Variants in SSX2IP observed in about 807,000 individuals in gnomAD.
SSX2IP encodes the protein afadin- and alpha-actinin-binding protein.
In SSX2IP, 55 loss-of-function variants were observed where a neutral mutation model predicts 84.9. The observed-to-expected ratio is 0.65, with a 90% CI of 0.52 to 0.81. The LOEUF (loss-of-function observed/expected upper bound fraction) is 0.81. Ranked by LOEUF, SSX2IP falls within the 30% of genes least tolerant of loss-of-function variation. SSX2IP has a pLI of 0.00. For missense variants in SSX2IP, 664 were observed against 705.2 expected, an observed-to-expected ratio of 0.94 and a Z score of 0.66; for synonymous variants, 239 against 234.7, an observed-to-expected ratio of 1.02 and a Z score of -0.17.
In SSX2IP at chr1:84,665,855, C is replaced by G. The variant is rs1341466225; in HGVS notation, c.537+267G>C. On this transcript the variant is annotated intron_variant, in intron 5 of 13. Coordinates refer to ENST00000342203, the MANE Select transcript of SSX2IP (RefSeq NM_001166293.2). Reference sequence around the variant, plus strand: ...AGAAAAAGTGACAGTGAACATGAGTCCAGGAAGGGCAGTCCAGGACACTGG... The same window carrying G: ...AGAAAAAGTGACAGTGAACATGAGTGCAGGAAGGGCAGTCCAGGACACTGG... Among the ~76,000 whole-genome samples, 3 of 152,088 alleles carry G rather than the reference C, an allele frequency of 2.0e-5. No homozygotes were observed. In the South Asian group the frequency reaches 6.2e-4, roughly 31 times the overall value.
chr1:84,659,111 A>C (rs573079675), intron 8 of SSX2IP, among the ~76,000 whole-genome samples: 6 of 152,360 alleles, frequency 3.9e-5, no homozygotes, highest in Non-Finnish European at 7.3e-5. Flanking sequence ...ATAATAACCC[A>C]CATCTACATA....
chr1:84,684,854 G>T (rs1655568638), intron 1 of SSX2IP, among the ~76,000 whole-genome samples: 1 of 151,734 alleles, frequency 6.6e-6, no homozygotes, highest in African/African-American at 2.4e-5. Flanking sequence ...AGAAGATAGG[G>T]CATGTAATAT....
intron 1 of SSX2IP, among the ~76,000 whole-genome samples, chr1:84,680,791 CCTTT>C (rs1455613526): frequency 2.0e-5 from 3 of 152,078 alleles, no homozygotes; most frequent in Admixed American, 1.3e-4. Flanking sequence ...GACTTTCATT[CCTTT>C]CTTTATGTAC....
At chr1:84,683,006 C>G (rs954148527) in intron 1 of SSX2IP, among the ~76,000 whole-genome samples, 2 of 151,926 alleles carry the variant, frequency 1.3e-5, no homozygotes, top group Non-Finnish European at 2.9e-5. Context: ...GATAAGGAAA[C>G]TGAAGCCTGG....
Position 84,655,860 on chromosome 1 carries a change from G to A in SSX2IP, c.1361C>T (p.Thr454Ile), listed in dbSNP as rs974603653. The A allele has an allele frequency of 5.0e-6, 8 of 1,613,744 alleles. No homozygotes were observed. Among genetic ancestry groups the A allele is most frequent in the African/African-American group, 2.7e-5 (2 of 74,916 alleles). The change falls in exon 11 of 14, where the codon ACA becomes ATA. Residue 454 changes from threonine (T) to isoleucine (I), a missense_variant. Thr to Ile is a moderately conservative substitution (Grantham distance 89). Coordinates refer to ENST00000342203, the MANE Select transcript of SSX2IP (RefSeq NM_001166293.2). ...KNFERERRSF[T>I]EAAIRLGLER... ...CAATCCCAGGCGAATAGCGGCTTCT[G>A]TAAAGCTTCGTCTCTCCCTCTCAAA... is the stretch of plus-strand genomic sequence containing the variant.
intron 1 of SSX2IP, among the ~76,000 whole-genome samples, chr1:84,685,578 G>A (rs764767971): frequency 1.3e-5 from 2 of 152,208 alleles, no homozygotes; most frequent in Non-Finnish European, 2.9e-5. Context: ...TACAAACCTG[G>A]AAGACAGAAA....
intron 1 of SSX2IP, among the ~76,000 whole-genome samples, chr1:84,679,887 T>C (rs1654847627): frequency 6.6e-6 from 1 of 152,214 alleles, no homozygotes; most frequent in Admixed American, 6.5e-5. Context: ...GTCACAGAGC[T>C]AGCAAGTGGC....
chr1:84,655,509 C>T, intron 11 of SSX2IP: 1 of 1,330,786 alleles, frequency 7.5e-7, no homozygotes, highest in Non-Finnish European at 9.8e-7. Flanking sequence ...TCTTCTGACA[C>T]CACACCTACT....
In SSX2IP at chr1:84,666,290, T is replaced by A. The variant is rs1455592336; in HGVS notation, c.427-58A>T. 5 of 1,311,462 alleles carry A rather than the reference T, an allele frequency of 3.8e-6. No homozygotes were observed. In the African/African-American group the frequency reaches 7.4e-5, roughly 19 times the overall value. The allele number at this position is 1,311,462 out of a possible 1,614,324, so 81.2% of individuals were successfully genotyped here. Reference sequence around the variant, plus strand: ...TAATAAAGGATTTAGAATAACTGAATCCTTAAAATATCAGTAACAAGAAGT... The same window carrying A: ...TAATAAAGGATTTAGAATAACTGAAACCTTAAAATATCAGTAACAAGAAGT... On this transcript the variant is annotated intron_variant, in intron 4 of 13. Coordinates refer to ENST00000342203, the MANE Select transcript of SSX2IP (RefSeq NM_001166293.2).
At chr1:84,666,716 T>C (rs1652824034) in intron 4 of SSX2IP, among the ~76,000 whole-genome samples, 1 of 152,034 alleles carries the variant, frequency 6.6e-6, no homozygotes, top group South Asian at 2.1e-4. Flanking sequence ...GTCACAGAAA[T>C]GGGACTTCTG....
intron 1 of SSX2IP, among the ~76,000 whole-genome samples, chr1:84,681,670 A>T (rs1401240370): frequency 6.6e-6 from 1 of 152,214 alleles, no homozygotes; most frequent in African/African-American, 2.4e-5. Context: ...TAAATGAGAT[A>T]ATGTGTGAAA....
intron 1 of SSX2IP, among the ~76,000 whole-genome samples, chr1:84,672,684 G>A (rs1653754403): frequency 6.6e-6 from 1 of 152,320 alleles, no homozygotes. Context: ...CACAACCACA[G>A]TTCTGAATAT....
chr1:84,665,650 T>C (rs80315105), intron 5 of SSX2IP, among the ~76,000 whole-genome samples: 1,938 of 152,296 alleles, frequency 0.013, 21 homozygotes, highest in Non-Finnish European at 0.021. Context: ...ATTGTATCTT[T>C]TGTGTCAGAA....
intron 1 of SSX2IP, among the ~76,000 whole-genome samples, chr1:84,674,519 T>C (rs969530477): frequency 4.3e-4 from 66 of 152,186 alleles, no homozygotes; most frequent in African/African-American, 1.5e-3. Context: ...CCTTTCCAAT[T>C]TGTGTTCTTG....
In SSX2IP at chr1:84,644,422, G is replaced by A. The variant is rs1649246922; in HGVS notation, c.*3011C>T. ...GGATTGGAAAGCAGTAGTAAGCCTT[G>A]ACATACAGCAGGTACTTAATAAATG... On this transcript the variant is annotated 3_prime_UTR_variant, in exon 14 of 14. Coordinates refer to ENST00000342203, the MANE Select transcript of SSX2IP (RefSeq NM_001166293.2). 6.6e-6 allele frequency: 1 copy of A among 152,124 alleles called. No homozygotes were observed. Among genetic ancestry groups the A allele is most frequent in the South Asian group, 2.1e-4 (1 of 4,826 alleles). The allele number at this position is 152,124 out of a possible 1,614,324, so 9.4% of individuals were successfully genotyped here.
Position 84,650,086 on chromosome 1 carries a change from TA to T in SSX2IP, c.1670+275del, listed in dbSNP as rs1291563612. ...AACTCCTATAATTAAGACTACATTC[TA>T]AATTGTATCTTAAATGTGAAATAAA... On this transcript the variant is annotated intron_variant, in intron 13 of 13. Coordinates refer to ENST00000342203, the MANE Select transcript of SSX2IP (RefSeq NM_001166293.2). 4.8e-6 allele frequency: 3 copies of T among 624,572 alleles called. No individual in the cohort carries two copies. In the East Asian group the frequency reaches 8.2e-5, roughly 17 times the overall value. 38.7% of individuals were successfully genotyped at this position (624,572 alleles called of 1,614,324 possible).
intron 9 of SSX2IP, among the ~76,000 whole-genome samples, chr1:84,657,589 G>C (rs1350253044): frequency 1.3e-5 from 2 of 151,906 alleles, no homozygotes; most frequent in African/African-American, 4.8e-5. Flanking sequence ...TTCTCTTTTT[G>C]GGGGGGAACA....
chr1:84,650,533 G>T lies in SSX2IP; in HGVS notation c.1505-6C>A, dbSNP rs374339397. The T allele has an allele frequency of 6.2e-7, 1 of 1,613,930 alleles. No homozygotes were observed. The highest frequency in any genetic ancestry group is 8.5e-7 in the Non-Finnish European group (1 of 1,180,004). On this transcript the variant is annotated splice_polypyrimidine_tract_variant and splice_region_variant and intron_variant, in intron 12 of 13. Coordinates refer to ENST00000342203, the MANE Select transcript of SSX2IP (RefSeq NM_001166293.2). ...AAGATTGTCCCAATCAGAACCTGTT[G>T]TAAAACAAGTAAGAGAAAAAGGCAG...
intron 13 of SSX2IP, among the ~76,000 whole-genome samples, chr1:84,648,364 C>T (rs1649746619): frequency 6.6e-6 from 1 of 152,072 alleles, no homozygotes; most frequent in South Asian, 2.1e-4. Flanking sequence ...TTCTATGCCA[C>T]GGATGTTGTT....
Sources: gnomAD v4.1 joint callset for allele counts (sites outside exome capture counted in the v4.1 genomes callset) on GRCh38, gnomAD v4.1.1 for gene constraint, MANE v1.5 for transcripts, NCBI Gene and HGNC (gene_info 2026-07-23, HGNC 2026-07-21) for gene names.